Variants in CTNNA3 observed in about 807,000 individuals in gnomAD.
The protein encoded by CTNNA3 is catenin alpha-3.
Under a neutral mutation model 95.7 loss-of-function variants are expected in CTNNA3, and 76 were observed. That is an observed-to-expected ratio of 0.79 (90% confidence interval 0.66 to 0.96). CTNNA3 has a LOEUF of 0.96. Ranked by LOEUF, CTNNA3 falls within the 40% of genes least tolerant of loss-of-function variation. CTNNA3 has a pLI of 0.00. For missense variants in CTNNA3, 1,191 were observed against 1,089.8 expected, an observed-to-expected ratio of 1.09 and a Z score of -1.31; for synonymous variants, 431 against 374.4, an observed-to-expected ratio of 1.15 and a Z score of -1.74.
intron 5 of CTNNA3, among the ~76,000 whole-genome samples, chr10:67,228,067 A>G (rs1865010545): frequency 6.6e-6 from 1 of 152,132 alleles, no homozygotes; most frequent in East Asian, 1.9e-4. Context: ...CACCTACACC[A>G]AAAAGACTGA....
At chr10:66,210,225 T>A (rs1038566165) in intron 13 of CTNNA3, among the ~76,000 whole-genome samples, 1 of 151,578 alleles carries the variant, frequency 6.6e-6, no homozygotes, top group Non-Finnish European at 1.5e-5. Flanking sequence ...AGAAATGGCT[T>A]AGGTATGCCA....
chr10:67,581,268 AG>A (rs1246333571), intron 3 of CTNNA3, among the ~76,000 whole-genome samples: 1 of 152,152 alleles, frequency 6.6e-6, no homozygotes, highest in East Asian at 1.9e-4. Context: ...TTTAGCATGA[AG>A]GGCTGTTGAA....
chr10:66,555,580 T>C (rs147184093), intron 10 of CTNNA3, among the ~76,000 whole-genome samples: 1 of 152,264 alleles, frequency 6.6e-6, no homozygotes, highest in Admixed American at 6.5e-5. Context: ...CATTTTAACC[T>C]AGATCTTAGC....
chr10:66,988,976 G>T (rs944269807), intron 7 of CTNNA3, among the ~76,000 whole-genome samples: 2 of 151,140 alleles, frequency 1.3e-5, no homozygotes, highest in Admixed American at 6.6e-5. Flanking sequence ...CCTGGGCTTT[G>T]GTCCTCGATG....
At chr10:66,224,097 C>A (rs2089127698) in intron 13 of CTNNA3, among the ~76,000 whole-genome samples, 1 of 152,084 alleles carries the variant, frequency 6.6e-6, no homozygotes, top group African/African-American at 2.4e-5. Flanking sequence ...GTTTTCCTAC[C>A]TCACTGTTTG....
chr10:66,745,587 C>CTTTT (rs368932444), intron 9 of CTNNA3, among the ~76,000 whole-genome samples: 25 of 109,638 alleles, frequency 2.3e-4, no homozygotes, highest in South Asian at 3.1e-4. Flanking sequence ...TGCAGACAGC[C>CTTTT]TTTTTTTTTT....
At chr10:67,126,226 AT>A in intron 7 of CTNNA3, among the ~76,000 whole-genome samples, 1 of 152,208 alleles carries the variant, frequency 6.6e-6, no homozygotes, top group Non-Finnish European at 1.5e-5. Flanking sequence ...AGATAAAATT[AT>A]TTATAAGAAT....
chr10:66,149,935 A>G (rs549027549), intron 13 of CTNNA3, among the ~76,000 whole-genome samples: 4 of 152,078 alleles, frequency 2.6e-5, no homozygotes, highest in Non-Finnish European at 5.9e-5. Context: ...CACTTCAATA[A>G]AAGTTTTTCT....
chr10:67,469,550 G>T (rs1010356443), intron 5 of CTNNA3, among the ~76,000 whole-genome samples: 5 of 145,946 alleles, frequency 3.4e-5, no homozygotes, highest in Non-Finnish European at 7.5e-5. Flanking sequence ...ATAAGCGGGA[G>T]TTAAACAATG....
At chr10:67,690,405 G>A (rs1434329851) in intron 1 of CTNNA3, among the ~76,000 whole-genome samples, 1 of 152,164 alleles carries the variant, frequency 6.6e-6, no homozygotes, top group Non-Finnish European at 1.5e-5. Flanking sequence ...GCCACTGCTG[G>A]CTCAGGTAGC....
At chr10:66,545,808 G>C (rs1842017809) in intron 10 of CTNNA3, among the ~76,000 whole-genome samples, 1 of 151,772 alleles carries the variant, frequency 6.6e-6, no homozygotes, top group Non-Finnish European at 1.5e-5. Context: ...TTAGATATTT[G>C]GGTTTTGTCA....
intron 1 of CTNNA3, among the ~76,000 whole-genome samples, chr10:67,724,366 T>C (rs1238886622): frequency 1.3e-5 from 2 of 152,204 alleles, no homozygotes; most frequent in Non-Finnish European, 2.9e-5. Context: ...GTGGATTAGA[T>C]GGGGTACAGG....
At chr10:66,895,111 T>C (rs1291561516) in intron 7 of CTNNA3, among the ~76,000 whole-genome samples, 1 of 145,938 alleles carries the variant, frequency 6.9e-6, no homozygotes, top group Non-Finnish European at 1.5e-5. Context: ...CTGAAGAAGA[T>C]GCATCCTCAA....
At chr10:66,415,810 C>T (rs1331696810) in intron 11 of CTNNA3, among the ~76,000 whole-genome samples, 1 of 152,120 alleles carries the variant, frequency 6.6e-6, no homozygotes, top group Non-Finnish European at 1.5e-5. Flanking sequence ...GAGTTCCCCA[C>T]CCAACCAACA....
At chr10:66,440,549 A>G (rs978342477) in intron 11 of CTNNA3, among the ~76,000 whole-genome samples, 15 of 152,326 alleles carry the variant, frequency 9.8e-5, no homozygotes, top group African/African-American at 3.6e-4. Context: ...TCAAGCTCTT[A>G]CGATGATCAA....
chr10:67,067,343 T>C (rs1925570), intron 7 of CTNNA3, among the ~76,000 whole-genome samples: 54,413 of 152,030 alleles, frequency 0.36, 10,172 homozygotes, highest in Middle Eastern at 0.56. Flanking sequence ...ATAAACCATA[T>C]ACTAAGCAAA....
intron 9 of CTNNA3, among the ~76,000 whole-genome samples, chr10:66,754,919 TAG>T (rs1368488040): frequency 6.6e-6 from 1 of 152,132 alleles, no homozygotes; most frequent in Non-Finnish European, 1.5e-5. Context: ...CTGTTAAACA[TAG>T]AGTTATCATA....
At chr10:66,363,114 C>CTA (rs1376472743) in intron 12 of CTNNA3, among the ~76,000 whole-genome samples, 3 of 152,176 alleles carry the variant, frequency 2.0e-5, no homozygotes, top group African/African-American at 7.2e-5. Flanking sequence ...AATGAAGCTG[C>CTA]TAAACATTAG....
At chr10:66,540,060 T>C (rs912964763) in intron 10 of CTNNA3, among the ~76,000 whole-genome samples, 1 of 152,010 alleles carries the variant, frequency 6.6e-6, no homozygotes, top group Non-Finnish European at 1.5e-5. Context: ...TCACCAAACA[T>C]TATCATCATA....
Sources: allele counts gnomAD v4.1 joint callset (sites outside exome capture counted in the v4.1 genomes callset), GRCh38; gene constraint gnomAD v4.1.1; transcripts MANE v1.5; gene names NCBI Gene and HGNC (gene_info 2026-07-23, HGNC 2026-07-21).